Variants in KHDRBS2 observed in about 807,000 individuals in gnomAD.
KHDRBS2 encodes KH RNA binding domain containing, signal transduction associated 2.
A neutral mutation model predicts 44.3 loss-of-function variants in KHDRBS2; 26 were observed. That is an observed-to-expected ratio of 0.59 (90% confidence interval 0.43 to 0.81). KHDRBS2 has a LOEUF of 0.81. KHDRBS2 is among the 40% of genes least tolerant of loss of function. The pLI is 0.00. For missense variants in KHDRBS2, 476 were observed against 433.1 expected, an observed-to-expected ratio of 1.10 and a Z score of -0.88; for synonymous variants, 194 against 151.1, an observed-to-expected ratio of 1.28 and a Z score of -2.08.
At chr6:62,140,271 G>A (rs560523909) in intron 2 of KHDRBS2, among the ~76,000 whole-genome samples, 6 of 152,280 alleles carry the variant, frequency 3.9e-5, no homozygotes, top group African/African-American at 1.4e-4. Context: ...TTCTGTGTAG[G>A]AGATAACAAG....
At chr6:61,661,872 T>G in the KHDRBS2 span, among the ~76,000 whole-genome samples, 1 of 152,048 alleles carries the variant, frequency 6.6e-6, no homozygotes, top group Non-Finnish European at 1.5e-5. Context: ...ACCAATGACT[T>G]TATTCACAGA....
chr6:62,200,794 A>C (rs1177901359), intron 1 of KHDRBS2, among the ~76,000 whole-genome samples: 1 of 152,330 alleles, frequency 6.6e-6, no homozygotes, highest in East Asian at 1.9e-4. Context: ...ATGTATGTTT[A>C]TTGTGGCACT....
At chr6:61,813,772 T>A (rs1326532387) in intron 6 of KHDRBS2, among the ~76,000 whole-genome samples, 2 of 152,124 alleles carry the variant, frequency 1.3e-5, no homozygotes, top group Non-Finnish European at 2.9e-5. Flanking sequence ...TTAAATGAAA[T>A]TAACTCATTG....
intron 3 of KHDRBS2, among the ~76,000 whole-genome samples, chr6:62,005,133 A>G (rs1371089082): frequency 6.6e-6 from 1 of 152,122 alleles, no homozygotes; most frequent in Non-Finnish European, 1.5e-5. Flanking sequence ...TGGTGTATAT[A>G]TCATATTAAT....
chr6:61,576,681 A>T, the KHDRBS2 span, among the ~76,000 whole-genome samples: 1 of 152,170 alleles, frequency 6.6e-6, no homozygotes, highest in East Asian at 1.9e-4. Flanking sequence ...CACAAAATAA[A>T]CTGTACATAA....
chr6:61,780,706 C>T (rs1782802666), intron 6 of KHDRBS2, among the ~76,000 whole-genome samples: 1 of 152,114 alleles, frequency 6.6e-6, no homozygotes, highest in Non-Finnish European at 1.5e-5. Flanking sequence ...AAACATTCAT[C>T]TAAATTTAAT....
intron 6 of KHDRBS2, among the ~76,000 whole-genome samples, chr6:61,867,715 T>C (rs1797993541): frequency 6.6e-6 from 1 of 152,204 alleles, no homozygotes; most frequent in Admixed American, 6.5e-5. Context: ...TGCTGCCGTT[T>C]GCTGGCCATC....
the KHDRBS2 span, among the ~76,000 whole-genome samples, chr6:61,597,446 C>A: frequency 5.9e-5 from 9 of 151,936 alleles, no homozygotes; most frequent in Non-Finnish European, 1.2e-4. Flanking sequence ...GCCAGTGGCA[C>A]CTTGATTGTG....
chr6:61,646,610 G>T, the KHDRBS2 span, among the ~76,000 whole-genome samples: 13 of 152,198 alleles, frequency 8.5e-5, no homozygotes, highest in Non-Finnish European at 1.5e-4. Flanking sequence ...AAGTTGTGAA[G>T]AACATAGCCT....
intron 1 of KHDRBS2, among the ~76,000 whole-genome samples, chr6:62,196,771 G>A (rs777226432): frequency 6.6e-6 from 1 of 152,168 alleles, no homozygotes; most frequent in Non-Finnish European, 1.5e-5. Context: ...AAACAGGCAA[G>A]GACTTGGGGG....
chr6:61,619,109 A>T, the KHDRBS2 span, among the ~76,000 whole-genome samples: 1 of 152,046 alleles, frequency 6.6e-6, no homozygotes, highest in South Asian at 2.1e-4. Flanking sequence ...ATATAAAAAA[A>T]GTTTAATTAA....
chr6:62,058,204 A>G (rs930135195), intron 2 of KHDRBS2, among the ~76,000 whole-genome samples: 1 of 151,850 alleles, frequency 6.6e-6, no homozygotes, highest in Non-Finnish European at 1.5e-5. Context: ...TGTATCTGCT[A>G]TGTGATGCAA....
intron 4 of KHDRBS2, among the ~76,000 whole-genome samples, chr6:61,963,300 C>G (rs1420322980): frequency 1.3e-5 from 2 of 151,954 alleles, no homozygotes; most frequent in Admixed American, 1.3e-4. Flanking sequence ...AAGAAAATAT[C>G]TGAGGATCCA....
chr6:61,607,520 C>CAAAAAAAAAAAAAAAAA, the KHDRBS2 span, among the ~76,000 whole-genome samples: 16 of 41,106 alleles, frequency 3.9e-4, 3 homozygotes, highest in Admixed American at 9.8e-4. Context: ...GAGTTCCAAG[C>CAAAAAAAAAAAAAAAAA]AAAAAAAAAA....
intron 4 of KHDRBS2, among the ~76,000 whole-genome samples, chr6:61,944,618 T>A (rs1391731747): frequency 6.6e-6 from 1 of 152,114 alleles, no homozygotes; most frequent in African/African-American, 2.4e-5. Context: ...TAAGCAACAA[T>A]ATATTAACAT....
In KHDRBS2 at chr6:62,082,716, T is replaced by C. The variant is rs866277903; in HGVS notation, c.220-34722A>G. ...AAGTGTAGCCATGTTTCCTGTCCTG[T>C]GTAGGAAACAGGTATAAAATAGAGG... On this transcript the variant is annotated intron_variant, in intron 2 of 8. Transcript: ENST00000281156. Among the ~76,000 whole-genome samples the C allele has an allele frequency of 1.1e-4, 17 of 152,150 alleles. 1 individual carries two copies. The highest frequency in any genetic ancestry group is 3.2e-3 in the Middle Eastern group (1 of 316).
intron 2 of KHDRBS2, among the ~76,000 whole-genome samples, chr6:62,107,696 C>T (rs1408322870): frequency 6.6e-6 from 1 of 152,122 alleles, no homozygotes; most frequent in South Asian, 2.1e-4. Context: ...TCAAACTATA[C>T]TACAAGGCTA....
intron 1 of KHDRBS2, among the ~76,000 whole-genome samples, chr6:62,207,473 C>T (rs1828192805): frequency 6.6e-6 from 1 of 152,054 alleles, no homozygotes; most frequent in African/African-American, 2.4e-5. Context: ...ACCTACTTAG[C>T]CCTGAAGGTG....
At chr6:61,838,771 C>T (rs988139756) in intron 6 of KHDRBS2, among the ~76,000 whole-genome samples, 4 of 152,010 alleles carry the variant, frequency 2.6e-5, no homozygotes, top group Non-Finnish European at 4.4e-5. Flanking sequence ...GATTCCTAAC[C>T]GGACTGTATT....
Sources: gnomAD v4.1 joint callset for allele counts (sites outside exome capture counted in the v4.1 genomes callset) on GRCh38, gnomAD v4.1.1 for gene constraint, MANE v1.5 for transcripts, NCBI Gene and HGNC (gene_info 2026-07-23, HGNC 2026-07-21) for gene names.